Variants in MAGI2 observed in about 807,000 individuals in gnomAD.
MAGI2 encodes the protein membrane-associated guanylate kinase, WW and PDZ domain-containing protein 2.
Under a neutral mutation model 133.3 loss-of-function variants are expected in MAGI2, and 35 were observed. The observed-to-expected ratio is 0.26, with a 90% CI of 0.20 to 0.35. The LOEUF is 0.35. Among genes scored for constraint, MAGI2 ranks in the 10% least tolerant of loss-of-function variants. The pLI, the probability that MAGI2 is intolerant of heterozygous loss-of-function variation, is 1.00. For missense variants in MAGI2, 1,636 were observed against 1,863.4 expected (o/e 0.88, Z 2.25); for synonymous variants, 729 against 710.6 (o/e 1.03, Z -0.41).
chr7:79,400,447 A>G (rs903367739), intron 1 of MAGI2, among the ~76,000 whole-genome samples: 2 of 152,198 alleles, frequency 1.3e-5, no homozygotes, highest in African/African-American at 4.8e-5. Flanking sequence ...TACAAAAGCT[A>G]TCTTCAAAGG....
At chr7:79,140,566 AAC>A (rs956169396) in intron 1 of MAGI2, among the ~76,000 whole-genome samples, 2 of 152,190 alleles carry the variant, frequency 1.3e-5, no homozygotes, top group Non-Finnish European at 2.9e-5. Flanking sequence ...GACGATGAAA[AAC>A]AGTAAATCTG....
chr7:79,089,520 C>G (rs1475560455), intron 1 of MAGI2, among the ~76,000 whole-genome samples: 1 of 151,902 alleles, frequency 6.6e-6, no homozygotes, highest in African/African-American at 2.4e-5. Context: ...TTTATTGCAG[C>G]ACTGTTTACA....
chr7:78,174,000 C>A (rs994852459), intron 14 of MAGI2, among the ~76,000 whole-genome samples: 1 of 152,106 alleles, frequency 6.6e-6, no homozygotes, highest in Non-Finnish European at 1.5e-5. Context: ...CTAAAAAAAA[C>A]ATGCTATAGG....
chr7:78,269,980 A>G (rs937042045), intron 9 of MAGI2, among the ~76,000 whole-genome samples: 2 of 152,228 alleles, frequency 1.3e-5, no homozygotes, highest in Admixed American at 6.5e-5. Flanking sequence ...AGCTTTCTGC[A>G]TATGGCTAGC....
intron 1 of MAGI2, among the ~76,000 whole-genome samples, chr7:79,010,378 C>G (rs1263619632): frequency 6.6e-6 from 1 of 151,984 alleles, no homozygotes; most frequent in Non-Finnish European, 1.5e-5. Context: ...AGACATTGGG[C>G]AATGATGTCC....
intron 16 of MAGI2, among the ~76,000 whole-genome samples, chr7:78,152,624 T>C (rs1823998062): frequency 6.6e-6 from 1 of 152,264 alleles, no homozygotes; most frequent in African/African-American, 2.4e-5. Flanking sequence ...TCAGCATAGA[T>C]GATGAATACA....
chr7:78,269,265 T>C (rs113759245), intron 9 of MAGI2, among the ~76,000 whole-genome samples: 11 of 152,330 alleles, frequency 7.2e-5, no homozygotes, highest in Non-Finnish European at 1.5e-5. Context: ...TGAGTCCTTA[T>C]AGTAGAATGA....
chr7:79,295,238 T>C (rs1313955803), intron 1 of MAGI2, among the ~76,000 whole-genome samples: 4 of 152,218 alleles, frequency 2.6e-5, no homozygotes, highest in Non-Finnish European at 4.4e-5. Context: ...TTACAAACTT[T>C]AGAGCTAATT....
At chr7:78,635,444 A>T (rs1809522806) in intron 2 of MAGI2, among the ~76,000 whole-genome samples, 1 of 152,248 alleles carries the variant, frequency 6.6e-6, no homozygotes, top group African/African-American at 2.4e-5. Context: ...CAGTGCAGTC[A>T]TCTATTGTGA....
rs142541317 is a variant in MAGI2, at chr7:78,171,806, AG to A, written c.2404-3699del. Among the ~76,000 whole-genome samples, 670 of 152,226 alleles carry A rather than the reference AG, an allele frequency of 4.4e-3. 22 individuals carry two copies. Among genetic ancestry groups the A allele is most frequent in the Admixed American group, 0.035 (529 of 15,284 alleles). On this transcript the variant is annotated intron_variant, in intron 14 of 21. Transcript: ENST00000354212. ...CCCATTCATTACCTCCCTCTAGCCC[AG>A]GGGGACTCTTCAGCCTCAGCTGACC...
chr7:79,373,299 G>C (rs576135134), intron 1 of MAGI2, among the ~76,000 whole-genome samples: 1 of 151,992 alleles, frequency 6.6e-6, no homozygotes, highest in East Asian at 1.9e-4. Flanking sequence ...AAATATTGGA[G>C]TTGCCTGTTA....
chr7:78,629,350 T>A (rs868816169), intron 2 of MAGI2, among the ~76,000 whole-genome samples: 7 of 152,192 alleles, frequency 4.6e-5, no homozygotes, highest in Non-Finnish European at 8.8e-5. Context: ...TGCTCTACAA[T>A]CTCAAATGCT....
intron 3 of MAGI2, among the ~76,000 whole-genome samples, chr7:78,575,058 G>A (rs1204272386): frequency 6.6e-6 from 1 of 152,080 alleles, no homozygotes; most frequent in East Asian, 1.9e-4. Context: ...ATTTCACTGA[G>A]TGAGAACTGA....
intron 1 of MAGI2, among the ~76,000 whole-genome samples, chr7:79,379,687 T>C (rs531431696): frequency 6.6e-6 from 1 of 152,164 alleles, no homozygotes; most frequent in Admixed American, 6.6e-5. Flanking sequence ...CATTGTGGTT[T>C]TGATTTGCAT....
chr7:78,310,855 T>A (rs955996007), intron 9 of MAGI2, among the ~76,000 whole-genome samples: 23 of 152,250 alleles, frequency 1.5e-4, no homozygotes, highest in Non-Finnish European at 8.8e-5. Flanking sequence ...AATTGACTTT[T>A]GTTACAGACA....
intron 6 of MAGI2, among the ~76,000 whole-genome samples, chr7:78,472,731 A>G (rs1791349623): frequency 6.6e-6 from 1 of 152,138 alleles, no homozygotes. Context: ...TGAATTCCCA[A>G]GTTGCACAAT....
intron 13 of MAGI2, among the ~76,000 whole-genome samples, chr7:78,183,882 A>C (rs918861097): frequency 2.6e-5 from 4 of 152,246 alleles, no homozygotes; most frequent in African/African-American, 9.6e-5. Flanking sequence ...TATTTATTTT[A>C]AATGCAGTCA....
chr7:78,030,643 C>T (rs1445398984), intron 21 of MAGI2, among the ~76,000 whole-genome samples: 1 of 152,126 alleles, frequency 6.6e-6, no homozygotes, highest in Admixed American at 6.5e-5. Flanking sequence ...TGTTCAACAT[C>T]AGTAGTAGAA....
At chr7:79,387,968 T>C (rs931776993) in intron 1 of MAGI2, among the ~76,000 whole-genome samples, 9 of 152,002 alleles carry the variant, frequency 5.9e-5, no homozygotes, top group Non-Finnish European at 1.3e-4. Context: ...CTCAAAATCA[T>C]AAAAATCATT....
Sources: allele counts gnomAD v4.1 joint callset (sites outside exome capture counted in the v4.1 genomes callset), GRCh38; gene constraint gnomAD v4.1.1; transcripts MANE v1.5; gene names NCBI Gene and HGNC (gene_info 2026-07-23, HGNC 2026-07-21).